The following GALNTL6 variants were observed in gnomAD, a reference collection of about 807,000 sequenced individuals.
The protein encoded by GALNTL6 is polypeptide N-acetylgalactosaminyltransferase-like 6.
GALNTL6 carries 46 observed loss-of-function variants against 73.7 expected under a neutral mutation model. The ratio of observed to expected loss-of-function variants is 0.62; its 90% CI spans 0.49 to 0.80. The LOEUF is 0.80. Among genes scored for constraint, GALNTL6 ranks in the 30% least tolerant of loss-of-function variants. The probability of loss-of-function intolerance (pLI) is 0.00; values close to 1 mark genes in which losing one functional copy is unlikely to be tolerated. For missense variants in GALNTL6, 604 were observed against 755.0 expected (o/e 0.80, Z 2.34); for synonymous variants, 259 against 263.7 (o/e 0.98, Z 0.17).
intron 5 of GALNTL6, among the ~76,000 whole-genome samples, chr4:172,622,776 C>T (rs1164193022): frequency 6.6e-6 from 1 of 152,056 alleles, no homozygotes; most frequent in Non-Finnish European, 1.5e-5. Context: ...CAGTAGAAAC[C>T]GACCTAGCCC....
intron 2 of GALNTL6, among the ~76,000 whole-genome samples, chr4:171,831,273 A>T (rs988674672): frequency 2.6e-5 from 4 of 152,048 alleles, no homozygotes; most frequent in Admixed American, 6.6e-5. Context: ...AAGGTAAAAC[A>T]TGCGAAAGAG....
intron 12 of GALNTL6, among the ~76,000 whole-genome samples, chr4:173,031,658 T>G (rs1164249688): frequency 6.6e-6 from 1 of 152,102 alleles, no homozygotes; most frequent in Non-Finnish European, 1.5e-5. Context: ...CTGGGTAGAA[T>G]ACTTAGCACT....
intron 3 of GALNTL6, among the ~76,000 whole-genome samples, chr4:172,230,561 T>TA (rs138548527): frequency 0.38 from 57,098 of 149,394 alleles, 11,127 homozygotes; most frequent in Non-Finnish European, 0.41. Flanking sequence ...AGCCGGGCGA[T>TA]AGAGTGAGAC....
chr4:172,712,908 T>A (rs1047833121), intron 5 of GALNTL6, among the ~76,000 whole-genome samples: 2 of 152,192 alleles, frequency 1.3e-5, no homozygotes, highest in Non-Finnish European at 2.9e-5. Context: ...GTTTTGCCAC[T>A]TGCTCTCACC....
At chr4:172,353,460 A>G (rs964679478) in intron 5 of GALNTL6, among the ~76,000 whole-genome samples, 6 of 152,282 alleles carry the variant, frequency 3.9e-5, no homozygotes, top group African/African-American at 1.4e-4. Flanking sequence ...GGACATCGAC[A>G]ATATTTTATG....
intron 5 of GALNTL6, among the ~76,000 whole-genome samples, chr4:172,372,417 A>C (rs1049131770): frequency 6.6e-6 from 1 of 152,188 alleles, no homozygotes; most frequent in Non-Finnish European, 1.5e-5. Context: ...TGCCATTGAC[A>C]TTATGAGTAG....
intron 2 of GALNTL6, among the ~76,000 whole-genome samples, chr4:171,851,631 C>A (rs1282011547): frequency 1.3e-5 from 2 of 152,124 alleles, no homozygotes; most frequent in Non-Finnish European, 2.9e-5. Context: ...CTACAGATTT[C>A]TTTAGAATTA....
At chr4:172,188,375 G>T (rs1438495529) in intron 2 of GALNTL6, among the ~76,000 whole-genome samples, 1 of 152,122 alleles carries the variant, frequency 6.6e-6, no homozygotes, top group Non-Finnish European at 1.5e-5. Context: ...ACCATGAAAA[G>T]CTTCCGTACA....
chr4:172,088,018 T>C (rs1560918006), intron 2 of GALNTL6, among the ~76,000 whole-genome samples: 1 of 152,186 alleles, frequency 6.6e-6, no homozygotes, highest in Admixed American at 6.5e-5. Context: ...TAAGACTATA[T>C]GAATAATGTT....
At chr4:172,269,944 C>T (rs917956297) in intron 3 of GALNTL6, among the ~76,000 whole-genome samples, 1 of 152,012 alleles carries the variant, frequency 6.6e-6, no homozygotes, top group Non-Finnish European at 1.5e-5. Flanking sequence ...TTAGTAGAGA[C>T]GGTTTCGCCA....
At chr4:172,996,913 A>G (rs1561077001) in intron 10 of GALNTL6, among the ~76,000 whole-genome samples, 1 of 152,080 alleles carries the variant, frequency 6.6e-6, no homozygotes, top group East Asian at 1.9e-4. Flanking sequence ...GTTTGCTCCT[A>G]TTGCTACTCC....
At chr4:172,349,320 T>A (rs1741861941) in intron 5 of GALNTL6, among the ~76,000 whole-genome samples, 1 of 152,128 alleles carries the variant, frequency 6.6e-6, no homozygotes, top group Admixed American at 6.5e-5. Flanking sequence ...TGTATGAATA[T>A]ACTATAAAGT....
chr4:172,203,733 G>A (rs142635096), intron 2 of GALNTL6, among the ~76,000 whole-genome samples: 1 of 152,060 alleles, frequency 6.6e-6, no homozygotes. Flanking sequence ...TTGGCATCTT[G>A]ACAGATTTTT....
chr4:172,788,671 C>CAAA (rs36046571), intron 5 of GALNTL6, among the ~76,000 whole-genome samples: 13 of 78,270 alleles, frequency 1.7e-4, no homozygotes, highest in South Asian at 1.5e-3. Context: ...GACTCCGTCT[C>CAAA]AAAAAAAAAA....
chr4:171,940,864 T>TAAATAAAA (rs35996530), intron 2 of GALNTL6, among the ~76,000 whole-genome samples: 51,938 of 142,020 alleles, frequency 0.37, 10,721 homozygotes, highest in East Asian at 0.51. Flanking sequence ...AATAAATAAA[T>TAAATAAAA]ATATAAGTCA....
chr4:171,829,140 G>T (rs1734899450), intron 2 of GALNTL6, among the ~76,000 whole-genome samples: 1 of 152,084 alleles, frequency 6.6e-6, no homozygotes, highest in Non-Finnish European at 1.5e-5. Flanking sequence ...CCTAGCCCCA[G>T]CACTTTTCAA....
intron 5 of GALNTL6, among the ~76,000 whole-genome samples, chr4:172,600,843 A>G (rs1426834398): frequency 3.3e-5 from 5 of 152,132 alleles, no homozygotes; most frequent in Admixed American, 3.3e-4. Context: ...GGCCATAACA[A>G]AAGTTGCTAC....
chr4:172,122,906 C>G (rs1260854418), intron 2 of GALNTL6, among the ~76,000 whole-genome samples: 1 of 152,196 alleles, frequency 6.6e-6, no homozygotes, highest in African/African-American at 2.4e-5. Flanking sequence ...AATTCAGGAT[C>G]TAGTCAGTTT....
At chr4:172,493,485 G>A (rs1239542430) in intron 5 of GALNTL6, among the ~76,000 whole-genome samples, 1 of 152,116 alleles carries the variant, frequency 6.6e-6, no homozygotes, top group African/African-American at 2.4e-5. Context: ...ATTCATGAAG[G>A]TTACAGATTC....
Sources: allele counts gnomAD v4.1 joint callset (sites outside exome capture counted in the v4.1 genomes callset), GRCh38; gene constraint gnomAD v4.1.1; transcripts MANE v1.5; gene names NCBI Gene and HGNC (gene_info 2026-07-23, HGNC 2026-07-21).